The following TENM1 variants were observed in gnomAD, a reference collection of about 807,000 sequenced individuals.
The protein encoded by TENM1 is teneurin transmembrane protein 1.
TENM1 carries 35 observed loss-of-function variants against 174.8 expected under a neutral mutation model. That is an observed-to-expected ratio of 0.20 (90% confidence interval 0.15 to 0.27). The LOEUF (loss-of-function observed/expected upper bound fraction) is 0.27. TENM1 is among the 10% of genes least tolerant of loss of function. The probability of loss-of-function intolerance (pLI) is 1.00; values close to 1 mark genes in which losing one functional copy is unlikely to be tolerated. For missense variants in TENM1, 1,633 were observed against 2,130.1 expected (o/e 0.77, Z 4.59); for synonymous variants, 781 against 798.7 (o/e 0.98, Z 0.37).
chrX:125,011,630 C>T, the TENM1 span, among the ~76,000 whole-genome samples: 2 of 111,941 alleles, frequency 1.8e-5, no homozygotes, highest in Non-Finnish European at 3.8e-5. Context: ...ATTAAAACCA[C>T]AACCAGATAA....
intron 11 of TENM1, among the ~76,000 whole-genome samples, chrX:124,609,298 C>T (rs1402482287): frequency 1.8e-5 from 2 of 110,893 alleles, no homozygotes; most frequent in African/African-American, 3.3e-5. Context: ...CTGACATAGT[C>T]GCTGAAGAAA....
At chrX:125,068,764 A>G in the TENM1 span, among the ~76,000 whole-genome samples, 9 of 111,827 alleles carry the variant, frequency 8.0e-5, no homozygotes, top group African/African-American at 2.9e-4. Flanking sequence ...GGCTTTGAAG[A>G]ATTACTTGAA....
At chrX:125,046,967 A>G in the TENM1 span, among the ~76,000 whole-genome samples, 1 of 109,799 alleles carries the variant, frequency 9.1e-6, no homozygotes, top group African/African-American at 3.3e-5. Context: ...TAATAGAAAT[A>G]CTCAAAAGGA....
intron 11 of TENM1, among the ~76,000 whole-genome samples, chrX:124,607,281 T>C (rs774777417): frequency 9.0e-6 from 1 of 110,958 alleles, no homozygotes; most frequent in African/African-American, 3.3e-5. Flanking sequence ...TTTTCAGTGG[T>C]AATAATGGCT....
intron 1 of TENM1, among the ~76,000 whole-genome samples, chrX:124,920,992 C>CT (rs57791567): frequency 0.021 from 1,802 of 85,804 alleles, 29 homozygotes; most frequent in African/African-American, 0.049. Flanking sequence ...TATAACAAGA[C>CT]TTTTTTTTTT....
chrX:124,828,453 C>A (rs192870029), intron 3 of TENM1, among the ~76,000 whole-genome samples: 133 of 112,350 alleles, frequency 1.2e-3, no homozygotes, highest in Non-Finnish European at 1.8e-3. Context: ...TGAGCATTTG[C>A]AGTTTATGAG....
At chrX:124,913,145 G>C (rs2057863324) in intron 1 of TENM1, among the ~76,000 whole-genome samples, 2 of 110,826 alleles carry the variant, frequency 1.8e-5, no homozygotes, top group Admixed American at 9.6e-5. Flanking sequence ...TTTATAAATA[G>C]AACTAGCAAT....
intron 1 of TENM1, among the ~76,000 whole-genome samples, chrX:124,961,317 A>T (rs922185985): frequency 1.8e-5 from 2 of 111,838 alleles, no homozygotes; most frequent in Non-Finnish European, 3.8e-5. Context: ...TTGAGTATAC[A>T]GTCTAGGAGA....
intron 5 of TENM1, among the ~76,000 whole-genome samples, chrX:124,674,886 A>G (rs1038222347): frequency 9.8e-5 from 11 of 111,849 alleles, no homozygotes; most frequent in African/African-American, 3.6e-4. Context: ...TGGACCATAT[A>G]TAACAAAAGG....
At chrX:125,124,485 A>C in the TENM1 span, among the ~76,000 whole-genome samples, 1 of 111,878 alleles carries the variant, frequency 8.9e-6, no homozygotes, top group African/African-American at 3.2e-5. Flanking sequence ...ATAAAACAAT[A>C]ATTACACAAA....
chrX:124,893,878 A>C (rs967293713), intron 3 of TENM1, among the ~76,000 whole-genome samples: 13 of 111,519 alleles, frequency 1.2e-4, no homozygotes, highest in Admixed American at 9.6e-5. Context: ...GGAGGAAGAG[A>C]CCAAGGCCAA....
intron 15 of TENM1, among the ~76,000 whole-genome samples, chrX:124,532,092 T>A (rs1170172962): frequency 9.0e-6 from 1 of 111,591 alleles, no homozygotes; most frequent in East Asian, 2.8e-4. Flanking sequence ...TTTGGGAGTA[T>A]GGTGGGGGTT....
chrX:125,181,820 T>C, the TENM1 span, among the ~76,000 whole-genome samples: 10 of 111,084 alleles, frequency 9.0e-5, no homozygotes, highest in Non-Finnish European at 1.9e-4. Flanking sequence ...GGACCTGATA[T>C]GGATATCTAG....
At chrX:124,408,449 T>G in intron 25 of TENM1, among the ~76,000 whole-genome samples, 1 of 111,486 alleles carries the variant, frequency 9.0e-6, no homozygotes, top group Non-Finnish European at 1.9e-5. Context: ...CGGCCCACTG[T>G]CCAGCCATTA....
At chrX:124,748,997 T>G (rs1364876680) in intron 3 of TENM1, among the ~76,000 whole-genome samples, 1 of 111,711 alleles carries the variant, frequency 9.0e-6, no homozygotes, top group East Asian at 2.8e-4. Flanking sequence ...AGGTGCCATC[T>G]AGTAAGTAGC....
chrX:125,017,145 T>C, the TENM1 span, among the ~76,000 whole-genome samples: 75 of 111,751 alleles, frequency 6.7e-4, no homozygotes, highest in Non-Finnish European at 1.1e-3. Context: ...ATTCAGGACA[T>C]AGGCATGGGC....
the TENM1 span, among the ~76,000 whole-genome samples, chrX:125,009,253 A>G: frequency 9.0e-6 from 1 of 111,157 alleles, no homozygotes; most frequent in Non-Finnish European, 1.9e-5. Flanking sequence ...AATACTAAAA[A>G]CAACTCTACA....
chrX:125,063,986 A>C, the TENM1 span, among the ~76,000 whole-genome samples: 1 of 111,520 alleles, frequency 9.0e-6, no homozygotes, highest in African/African-American at 3.3e-5. Flanking sequence ...AGCCATAAAA[A>C]AGGATGAGTT....
intron 3 of TENM1, among the ~76,000 whole-genome samples, chrX:124,862,165 C>G (rs1414823146): frequency 8.9e-6 from 1 of 111,952 alleles, no homozygotes; most frequent in African/African-American, 3.3e-5. Context: ...CACATATAAA[C>G]AAAGCCTTTA....
Sources: gnomAD v4.1 joint callset for allele counts (sites outside exome capture counted in the v4.1 genomes callset) on GRCh38, gnomAD v4.1.1 for gene constraint, MANE v1.5 for transcripts, NCBI Gene and HGNC (gene_info 2026-07-23, HGNC 2026-07-21) for gene names.